Variants in FAM13A observed in about 807,000 individuals in gnomAD.
FAM13A encodes the protein family with sequence similarity 13 member A.
FAM13A carries 76 observed loss-of-function variants against 129.6 expected under a neutral mutation model. That is an observed-to-expected ratio of 0.59 (90% CI 0.49 to 0.71). The LOEUF (loss-of-function observed/expected upper bound fraction) is 0.71. Among genes scored for constraint, FAM13A ranks in the 30% least tolerant of loss-of-function variants. The pLI is 0.00. For synonymous variants in FAM13A, 443 were observed against 449.9 expected, an observed-to-expected ratio of 0.98 and a Z score of 0.20; for missense variants, 1,108 against 1,249.3, an observed-to-expected ratio of 0.89 and a Z score of 1.70.
chr4:88,781,944 A>G (rs1456043520), intron 10 of FAM13A, among the ~76,000 whole-genome samples: 1 of 151,728 alleles, frequency 6.6e-6, no homozygotes, highest in Non-Finnish European at 1.5e-5. Context: ...TACATATGTA[A>G]CAAACCTGCA....
At chr4:88,865,879 T>TCTC (rs374937505) in intron 6 of FAM13A, among the ~76,000 whole-genome samples, 1 of 29,228 alleles carries the variant, frequency 3.4e-5, no homozygotes, top group African/African-American at 2.9e-4. Context: ...TGTCTCTCTC[T>TCTC]TTTTTTTTTT....
chr4:88,830,457 C>T (rs1471943194), intron 7 of FAM13A, among the ~76,000 whole-genome samples: 3 of 152,094 alleles, frequency 2.0e-5, no homozygotes, highest in African/African-American at 7.2e-5. Context: ...AATATGCTTG[C>T]ATTACTGAAG....
intron 11 of FAM13A, among the ~76,000 whole-genome samples, chr4:88,770,695 A>C (rs1393700331): frequency 6.6e-6 from 1 of 151,946 alleles, no homozygotes; most frequent in African/African-American, 2.4e-5. Flanking sequence ...TTTTTTTCCT[A>C]AACAGAGGAA....
At chr4:88,808,696 T>G (rs557647898) in intron 7 of FAM13A, among the ~76,000 whole-genome samples, 2 of 152,224 alleles carry the variant, frequency 1.3e-5, no homozygotes, top group Admixed American at 1.3e-4. Context: ...TGGTTACCAG[T>G]AAAAACTCCG....
intron 1 of FAM13A, among the ~76,000 whole-genome samples, chr4:89,032,604 AT>A (rs1768854822): frequency 6.6e-6 from 1 of 152,216 alleles, no homozygotes; most frequent in East Asian, 1.9e-4. Context: ...CTTTTTTATA[AT>A]TAAGTACTGG....
At chr4:89,002,176 CAAAAA>C (rs11370599) in intron 3 of FAM13A, among the ~76,000 whole-genome samples, 1 of 115,680 alleles carries the variant, frequency 8.6e-6, no homozygotes. Context: ...CACCCAACGG[CAAAAA>C]AAAAAAAAAA....
At chr4:88,887,787 C>A (rs1744696758) in intron 6 of FAM13A, among the ~76,000 whole-genome samples, 1 of 152,138 alleles carries the variant, frequency 6.6e-6, no homozygotes, top group Non-Finnish European at 1.5e-5. Flanking sequence ...CTTGCCTTGG[C>A]CTCCCAACGT....
intron 13 of FAM13A, among the ~76,000 whole-genome samples, chr4:88,762,275 A>C (rs1348370366): frequency 2.0e-5 from 3 of 152,200 alleles, no homozygotes; most frequent in Non-Finnish European, 4.4e-5. Context: ...ATAATGAGGC[A>C]TTCGGTCATT....
At chr4:88,972,953 T>C (rs1160476018) in intron 4 of FAM13A, among the ~76,000 whole-genome samples, 1 of 152,174 alleles carries the variant, frequency 6.6e-6, no homozygotes, top group African/African-American at 2.4e-5. Context: ...CGTTCTACTT[T>C]AAGGATTGTC....
At chr4:88,812,506 T>C (rs994031509) in intron 7 of FAM13A, among the ~76,000 whole-genome samples, 5 of 152,166 alleles carry the variant, frequency 3.3e-5, no homozygotes, top group South Asian at 2.1e-4. Context: ...TGCAACTCTT[T>C]CCATTTGTAC....
intron 6 of FAM13A, among the ~76,000 whole-genome samples, chr4:88,876,069 C>G (rs1742382259): frequency 6.6e-6 from 1 of 152,188 alleles, no homozygotes; most frequent in South Asian, 2.1e-4. Context: ...CATGTTCTCA[C>G]TCATAGGTAA....
At chr4:88,921,841 A>C (rs1459799023) in intron 5 of FAM13A, among the ~76,000 whole-genome samples, 1 of 152,160 alleles carries the variant, frequency 6.6e-6, no homozygotes, top group Admixed American at 6.6e-5. Flanking sequence ...GCTCAAAATA[A>C]AAGGATGGAG....
At chr4:88,732,250 C>T (rs896924016) in intron 21 of FAM13A, 52 bp from the exon 22 acceptor site, 1 of 1,303,470 alleles carries the variant, frequency 7.7e-7, no homozygotes, top group South Asian at 1.4e-5. Context: ...TTGGGGCAGA[C>T]TTTCATTACA....
chr4:88,877,708 A>T (rs1254133119), intron 6 of FAM13A, among the ~76,000 whole-genome samples: 1 of 152,182 alleles, frequency 6.6e-6, no homozygotes, highest in Non-Finnish European at 1.5e-5. Context: ...ATAATGAAGA[A>T]AAGTTAACTA....
At chr4:88,869,584 C>A (rs536579955) in intron 6 of FAM13A, among the ~76,000 whole-genome samples, 1 of 152,314 alleles carries the variant, frequency 6.6e-6, no homozygotes, top group East Asian at 1.9e-4. Context: ...ATCAGGCACC[C>A]TTGTTATATA....
chr4:88,825,350 G>A (rs548380802), intron 7 of FAM13A, among the ~76,000 whole-genome samples: 22 of 151,842 alleles, frequency 1.4e-4, no homozygotes, highest in African/African-American at 5.1e-4. Flanking sequence ...TGAGTAGCTG[G>A]GATTACAGGT....
At chr4:89,046,494 C>T (rs191304273) in intron 1 of FAM13A, among the ~76,000 whole-genome samples, 7 of 152,038 alleles carry the variant, frequency 4.6e-5, no homozygotes, top group Admixed American at 1.3e-4. Context: ...TAATCGAAGA[C>T]GGGCAAAAAT....
intron 6 of FAM13A, among the ~76,000 whole-genome samples, chr4:88,891,226 C>A (rs1299541002): frequency 6.6e-6 from 1 of 152,104 alleles, no homozygotes; most frequent in Non-Finnish European, 1.5e-5. Context: ...AGTTTTGAGA[C>A]CAGCCTGGAC....
intron 6 of FAM13A, among the ~76,000 whole-genome samples, chr4:88,853,115 G>C (rs1170898950): frequency 6.6e-6 from 1 of 152,112 alleles, no homozygotes; most frequent in African/African-American, 2.4e-5. Flanking sequence ...TTTCTTTGCA[G>C]AGCATTCTTA....
Sources: gnomAD v4.1 joint callset for allele counts (sites outside exome capture counted in the v4.1 genomes callset) on GRCh38, gnomAD v4.1.1 for gene constraint, MANE v1.5 for transcripts, NCBI Gene and HGNC (gene_info 2026-07-23, HGNC 2026-07-21) for gene names.